The following TXNRD1 variants were observed in gnomAD, a reference collection of about 807,000 sequenced individuals.
TXNRD1 encodes the protein thioredoxin reductase 1, also known as thioredoxin reductase 1, cytoplasmic.
In TXNRD1, 57 loss-of-function variants were observed where a neutral mutation model predicts 80.3. That is an observed-to-expected ratio of 0.71 (90% CI 0.57 to 0.89). TXNRD1 has a LOEUF of 0.89. Ranked by LOEUF, TXNRD1 falls within the 40% of genes least tolerant of loss-of-function variation. TXNRD1 has a pLI of 0.00. For synonymous variants in TXNRD1, 291 were observed against 285.2 expected (o/e 1.02, Z -0.20); for missense variants, 730 against 803.0 (o/e 0.91, Z 1.10).
intron 14 of TXNRD1, among the ~76,000 whole-genome samples, chr12:104,333,540 ATTAT>A (rs1307567306): frequency 6.6e-6 from 1 of 152,090 alleles, no homozygotes; most frequent in African/African-American, 2.4e-5. Context: ...TTAAAATTAT[ATTAT>A]TTATCACAAC....
At chr12:104,309,465 T>C (rs2035049180) in intron 4 of TXNRD1, among the ~76,000 whole-genome samples, 1 of 152,218 alleles carries the variant, frequency 6.6e-6, no homozygotes, top group African/African-American at 2.4e-5. Flanking sequence ...CTGGTATTTG[T>C]TCTAGTAGGT....
At chr12:104,342,230 G>A (rs975325281) in intron 16 of TXNRD1, among the ~76,000 whole-genome samples, 1 of 152,082 alleles carries the variant, frequency 6.6e-6, no homozygotes, top group African/African-American at 2.4e-5. Context: ...TACCTCTGAT[G>A]ACATGGTTGG....
At position 104,321,119 on chromosome 12, in the gene TXNRD1, C is replaced by CAA; in HGVS notation, c.1018_1019insAA (p.Pro340GlnfsTer26). Reference sequence around the variant, plus strand: ...TGATCTTTTCTCCTTGCCTTACTGCCCGGGTAAGACCCTGGTTGTTGGAGC... The same window carrying CAA: ...TGATCTTTTCTCCTTGCCTTACTGCCAACGGGTAAGACCCTGGTTGTTGGAGC... On this transcript the variant is annotated frameshift_variant, in exon 10 of 17. Transcript: ENST00000525566. LOFTEE classifies it high-confidence loss of function. The CAA allele has an allele frequency of 6.2e-7, 1 of 1,612,712 alleles. No homozygotes were observed. The highest frequency in any genetic ancestry group is 8.5e-7 in the Non-Finnish European group (1 of 1,179,664).
intron 16 of TXNRD1, chr12:104,346,087 A>G: frequency 2.1e-6 from 2 of 962,578 alleles, no homozygotes; most frequent in Admixed American, 2.3e-5. Flanking sequence ...ATCTCAGTTC[A>G]CTGCAGCCTT....
chr12:104,248,786 G>T (rs145503810), intron 1 of TXNRD1, among the ~76,000 whole-genome samples: 3,900 of 152,224 alleles, frequency 0.026, 80 homozygotes, highest in Non-Finnish European at 0.039. Flanking sequence ...GCTCTTCTGG[G>T]ATCCTATAAT....
At chr12:104,346,178 A>AATAT (rs147185029) in intron 16 of TXNRD1, 5 of 334,354 alleles carry the variant, frequency 1.5e-5, no homozygotes, top group African/African-American at 4.4e-5. Context: ...GTTTCCAGCT[A>AATAT]ATATATATAT....
intron 3 of TXNRD1, among the ~76,000 whole-genome samples, chr12:104,278,239 C>G (rs1241929419): frequency 7.7e-6 from 1 of 130,542 alleles, no homozygotes; most frequent in Admixed American, 9.3e-5. Context: ...CTTGCTCTGT[C>G]GCCCAGGCTG....
intron 1 of TXNRD1, among the ~76,000 whole-genome samples, chr12:104,226,809 G>A (rs2032483397): frequency 2.0e-5 from 3 of 152,054 alleles, no homozygotes. Context: ...AAAATACCTA[G>A]CATTTTTGGA....
At chr12:104,218,151 C>A (rs916388920) in intron 1 of TXNRD1, among the ~76,000 whole-genome samples, 1 of 152,038 alleles carries the variant, frequency 6.6e-6, no homozygotes, top group African/African-American at 2.4e-5. Flanking sequence ...CCTCAGTCTC[C>A]CAAATAGCTG....
intron 3 of TXNRD1, among the ~76,000 whole-genome samples, chr12:104,272,518 G>A (rs12368657): frequency 0.23 from 34,697 of 152,024 alleles, 4,247 homozygotes; most frequent in Middle Eastern, 0.38. Context: ...CAAAAGTCCC[G>A]GCGCTGTGGC....
At chr12:104,323,521 G>A (rs1443355339) in intron 10 of TXNRD1, among the ~76,000 whole-genome samples, 1 of 146,334 alleles carries the variant, frequency 6.8e-6, no homozygotes, top group Non-Finnish European at 1.5e-5. Flanking sequence ...GCGGCTGGCC[G>A]GGCGGGGGGC....
chr12:104,299,794 G>T, intron 4 of TXNRD1, among the ~76,000 whole-genome samples: 1 of 150,178 alleles, frequency 6.7e-6, no homozygotes. Context: ...AAGTTAAGAT[G>T]AAAGAGAAAC....
intron 3 of TXNRD1, among the ~76,000 whole-genome samples, chr12:104,267,164 T>A (rs2033511020): frequency 1.6e-5 from 1 of 63,782 alleles, no homozygotes; most frequent in Non-Finnish European, 3.1e-5. Context: ...AGACTCCCTC[T>A]CAAAAAAAAA....
At chr12:104,225,498 C>T (rs1023407481) in intron 1 of TXNRD1, among the ~76,000 whole-genome samples, 4 of 152,130 alleles carry the variant, frequency 2.6e-5, no homozygotes, top group Admixed American at 2.6e-4. Context: ...AGGGCAGTAC[C>T]AGATGGAGAT....
chr12:104,291,857 T>A (rs2034227599), intron 4 of TXNRD1, among the ~76,000 whole-genome samples: 1 of 152,346 alleles, frequency 6.6e-6, no homozygotes, highest in East Asian at 1.9e-4. Flanking sequence ...TTGAAAGATC[T>A]GTGAACTTTT....
At chr12:104,222,249 A>G (rs1226778093) in intron 1 of TXNRD1, among the ~76,000 whole-genome samples, 5 of 152,224 alleles carry the variant, frequency 3.3e-5, no homozygotes, top group Non-Finnish European at 5.9e-5. Context: ...TTGAATGTAT[A>G]GAAGTGGCTG....
chr12:104,325,570 T>C (rs374653035), intron 11 of TXNRD1, 141 bp downstream of exon 11: 7 of 667,402 alleles, frequency 1.0e-5, no homozygotes, highest in African/African-American at 5.5e-5. Flanking sequence ...CAATAACTTA[T>C]GATATTAAAA....
intron 2 of TXNRD1, among the ~76,000 whole-genome samples, chr12:104,255,736 T>A (rs1390122517): frequency 6.6e-6 from 1 of 152,152 alleles, no homozygotes; most frequent in Non-Finnish European, 1.5e-5. Context: ...GAGGTTGCAG[T>A]GAGCCAAGAT....
At position 104,322,527 on chromosome 12, in the gene TXNRD1, C is replaced by T. The variant is rs549966100; in HGVS notation, c.1215+1211C>T. 1.4e-4 allele frequency among the ~76,000 whole-genome samples: 22 copies of T among 151,876 alleles called. No individual in the cohort carries two copies. In the South Asian group the frequency reaches 3.1e-3, roughly 22 times the overall value. The stretch of plus-strand genomic sequence containing the variant: ...TCCTGAGTAACTGGGGCCACAGGTG[C>T]GTGCCACCACACCCGGCTAATTTTT... On this transcript the variant is annotated intron_variant, in intron 10 of 16. Coordinates refer to ENST00000525566, the MANE Select transcript of TXNRD1 (RefSeq NM_001093771.3).
Sources: gnomAD v4.1 joint callset for allele counts (sites outside exome capture counted in the v4.1 genomes callset) on GRCh38, gnomAD v4.1.1 for gene constraint, MANE v1.5 for transcripts, NCBI Gene and HGNC (gene_info 2026-07-23, HGNC 2026-07-21) for gene names.